The following SETD5 variants were observed in gnomAD, a reference collection of about 807,000 sequenced individuals.
SETD5 encodes SET domain containing 5, also known as histone-lysine N-methyltransferase SETD5.
Under a neutral mutation model 153.3 loss-of-function variants are expected in SETD5, and 44 were observed. That is an observed-to-expected ratio of 0.29 (90% confidence interval 0.23 to 0.37). SETD5 has a LOEUF of 0.37. SETD5 is among the 10% of genes least tolerant of loss of function. The probability of loss-of-function intolerance (pLI) is 1.00; values close to 1 mark genes in which losing one functional copy is unlikely to be tolerated. For missense variants in SETD5, 1,544 were observed against 1,768.0 expected (o/e 0.87, Z 2.27); for synonymous variants, 716 against 645.2 (o/e 1.11, Z -1.66).
chr3:9,428,838 TAA>T lies in SETD5; in HGVS notation c.-100_-99del. The stretch of plus-strand genomic sequence containing the variant: ...TCTGTTACAGGATTCCTCATGTCCA[TAA>T]CATGTTGGATGAGGCTCTGCAGCTC... On this transcript the variant is annotated 5_prime_UTR_variant, in exon 3 of 23. It introduces an in-frame stop codon into an upstream open reading frame of the 5' UTR. Coordinates refer to ENST00000402198, the MANE Select transcript of SETD5 (RefSeq NM_001080517.3). 1 of 675,844 alleles carries T rather than the reference TAA, an allele frequency of 1.5e-6. No individual in the cohort carries two copies. The allele number at this position is 675,844 out of a possible 1,614,324, so 41.9% of individuals were successfully genotyped here.
chr3:9,444,083 A>G (rs2041642877), intron 11 of SETD5, among the ~76,000 whole-genome samples: 1 of 152,174 alleles, frequency 6.6e-6, no homozygotes, highest in Non-Finnish European at 1.5e-5. Flanking sequence ...AGAGAATTTA[A>G]TATGTTACCT....
At chr3:9,424,781 TA>T (rs1391624833) in intron 2 of SETD5, among the ~76,000 whole-genome samples, 10 of 152,230 alleles carry the variant, frequency 6.6e-5, no homozygotes, top group Non-Finnish European at 5.9e-5. Context: ...GATGATCTGT[TA>T]AATGTTCCTC....
At chr3:9,437,223 T>C (rs1212334556) in intron 7 of SETD5, among the ~76,000 whole-genome samples, 1 of 152,144 alleles carries the variant, frequency 6.6e-6, no homozygotes, top group Non-Finnish European at 1.5e-5. Flanking sequence ...TTTCTGGTAA[T>C]GATACAGGAT....
intron 10 of SETD5, 120 bp downstream of exon 10, chr3:9,442,365 C>T (rs535635935): frequency 1.4e-5 from 10 of 714,480 alleles, no homozygotes; most frequent in South Asian, 1.3e-4. Context: ...GATATTTCAT[C>T]GTGGGAGGTG....
At chr3:9,421,747 A>C (rs1444433095) in intron 1 of SETD5, among the ~76,000 whole-genome samples, 1 of 152,178 alleles carries the variant, frequency 6.6e-6, no homozygotes, top group African/African-American at 2.4e-5. Flanking sequence ...ATTCCCAAAA[A>C]GTGTTTTCTC....
intron 1 of SETD5, among the ~76,000 whole-genome samples, chr3:9,420,550 G>A (rs113141099): frequency 2.3e-4 from 35 of 152,116 alleles, no homozygotes; most frequent in African/African-American, 8.4e-4. Flanking sequence ...AGAAGAGATG[G>A]GAGAAAAGGA....
At chr3:9,426,629 G>A (rs911593491) in intron 2 of SETD5, among the ~76,000 whole-genome samples, 1 of 152,140 alleles carries the variant, frequency 6.6e-6, no homozygotes, top group African/African-American at 2.4e-5. Context: ...CTGACCTCAA[G>A]TGATCCACCC....
chr3:9,431,725 A>T, intron 3 of SETD5: 1 of 985,790 alleles, frequency 1.0e-6, no homozygotes, highest in Non-Finnish European at 1.2e-6. Flanking sequence ...CATGAAGTGC[A>T]TATGTTCATA....
chr3:9,459,509 G>A (rs889190838), intron 17 of SETD5, among the ~76,000 whole-genome samples: 4 of 151,808 alleles, frequency 2.6e-5, no homozygotes, highest in African/African-American at 7.3e-5. Context: ...GGTGGCTCAC[G>A]CCTGTAATCC....
chr3:9,416,358 T>A (rs2037461936), intron 1 of SETD5, among the ~76,000 whole-genome samples: 1 of 152,224 alleles, frequency 6.6e-6, no homozygotes, highest in South Asian at 2.1e-4. Context: ...TTTGGGGTGT[T>A]TCTCCTGTGT....
At chr3:9,429,042 A>G (rs749267568) in intron 3 of SETD5, 33 bp downstream of exon 3, 1 of 1,529,652 alleles carries the variant, frequency 6.5e-7, no homozygotes, top group Non-Finnish European at 9.0e-7. Flanking sequence ...TAGGTACATT[A>G]TCAGTCTGTG....
rs1160571065 is a variant in SETD5, at chr3:9,434,411, A to G, written c.255A>G (p.Glu85=). 6.2e-7 allele frequency: 1 copy of G among 1,613,986 alleles called. No homozygotes were observed. Among genetic ancestry groups the G allele is most frequent in the South Asian group, 1.1e-5 (1 of 91,078 alleles). ...EERCGDSPNS[E]GETVPTWCPC... ...GCTGTGGAGACAGCCCGAACTCTGA[A>G]GGAGAAACTGTACCTACCTGGTGTC... The change falls in exon 5 of 23, where the codon GAA becomes GAG. Residue 85 remains glutamate, a synonymous_variant. Coordinates refer to ENST00000402198, the MANE Select transcript of SETD5 (RefSeq NM_001080517.3). The surrounding 1 kb of genome is among the most constrained non-coding windows in gnomAD (Gnocchi z 5.6).
At chr3:9,472,715 T>TA (rs1214404743) in intron 19 of SETD5, among the ~76,000 whole-genome samples, 1 of 152,034 alleles carries the variant, frequency 6.6e-6, no homozygotes, top group Admixed American at 6.6e-5. Context: ...TCTCTCCACC[T>TA]ACCTCTCCCC....
At chr3:9,410,655 A>G (rs1282158212) in intron 1 of SETD5, among the ~76,000 whole-genome samples, 1 of 152,146 alleles carries the variant, frequency 6.6e-6, no homozygotes, top group Non-Finnish European at 1.5e-5. Context: ...AGTCATCATG[A>G]ATTTTCAGAG....
intron 18 of SETD5, among the ~76,000 whole-genome samples, chr3:9,466,287 CAAA>C (rs146498301): frequency 1.0e-3 from 65 of 63,274 alleles, no homozygotes; most frequent in African/African-American, 3.2e-3. Flanking sequence ...GACTCCGTCT[CAAA>C]AAAAAAAAAA....
At chr3:9,462,013 A>G (rs1380656258) in intron 17 of SETD5, among the ~76,000 whole-genome samples, 1 of 152,236 alleles carries the variant, frequency 6.6e-6, no homozygotes, top group Non-Finnish European at 1.5e-5. Context: ...GGAATATTAA[A>G]AATCCTGAGA....
intron 16 of SETD5, among the ~76,000 whole-genome samples, chr3:9,448,831 T>C (rs998169953): frequency 6.6e-6 from 1 of 152,224 alleles, no homozygotes; most frequent in African/African-American, 2.4e-5. Flanking sequence ...ATGAATGTAC[T>C]GCATTTTTAG....
rs778470027 is a variant in SETD5, at chr3:9,447,190, T to G, written c.1665T>G (p.Gly555=). The change falls in exon 14 of 23, where the codon GGT becomes GGG. Residue 555 remains glycine, a synonymous_variant. Transcript: ENST00000402198. The part of the protein sequence containing the change: ...ITTTTSETPV[G]EETKTEAPES... ...CAACCACCTCAGAGACTCCTGTTGG[T>G]GAAGAGACAAAAACTGAAGCCCCTG... 22 of 1,613,864 alleles carry G rather than the reference T, an allele frequency of 1.4e-5. No homozygotes were observed. In the South Asian group the frequency reaches 2.4e-4, roughly 18 times the overall value.
chr3:9,401,333 G>A (rs377022094), intron 1 of SETD5, among the ~76,000 whole-genome samples: 174 of 152,294 alleles, frequency 1.1e-3, no homozygotes, highest in African/African-American at 4.0e-3. Context: ...GGCTTAAGTT[G>A]CTATATAAAA....
Sources: gnomAD v4.1 joint callset for allele counts (sites outside exome capture counted in the v4.1 genomes callset) on GRCh38, gnomAD v4.1.1 for gene constraint, Gnocchi (gnomAD v3.1) non-coding constraint, MANE v1.5 for transcripts, NCBI Gene and HGNC (gene_info 2026-07-23, HGNC 2026-07-21) for gene names.